The following RGS6 variants were observed in gnomAD, a reference collection of about 807,000 sequenced individuals.
RGS6 encodes the protein regulator of G protein signaling 6.
A neutral mutation model predicts 78.5 loss-of-function variants in RGS6; 30 were observed. The observed-to-expected ratio is 0.38, with a 90% confidence interval of 0.29 to 0.52. The LOEUF is 0.52. Ranked by LOEUF, RGS6 falls within the 20% of genes least tolerant of loss-of-function variation. The pLI, the probability that RGS6 is intolerant of heterozygous loss-of-function variation, is 0.85. For missense variants in RGS6, 495 were observed against 609.7 expected (o/e 0.81, Z 1.98); for synonymous variants, 206 against 206.0 (o/e 1.00, Z 0.00).
intron 17 of RGS6, among the ~76,000 whole-genome samples, chr14:72,557,233 G>GAAGTGT (rs1555474214): frequency 6.6e-6 from 1 of 152,182 alleles, no homozygotes; most frequent in Non-Finnish European, 1.5e-5. Flanking sequence ...AATTTAAAAA[G>GAAGTGT]TGTTTTGAAA....
intron 2 of RGS6, among the ~76,000 whole-genome samples, chr14:72,127,634 ATTGTAGTTATTT>A (rs2096230115): frequency 1.3e-5 from 2 of 152,188 alleles, no homozygotes; most frequent in Admixed American, 1.3e-4. Flanking sequence ...TTTTGAGGCA[ATTGTAGTTATTT>A]CTTGCAGTTG....
Position 72,470,047 on chromosome 14 carries a change from G to A in RGS6, c.500G>A (p.Trp167Ter). ...ARLQRAFARK[W>*]EFIFMQAEAQ... is the part of the protein sequence containing the mutation. Reference sequence around the variant, plus strand: ...CTCCAGAGGGCCTTTGCGAGGAAGTGGGAATTCATCTTTATGCAAGCAGAA... The same window carrying A: ...CTCCAGAGGGCCTTTGCGAGGAAGTAGGAATTCATCTTTATGCAAGCAGAA... The change falls in exon 8 of 18, where the codon TGG becomes TAG. Residue 167 changes from tryptophan (W) to a stop codon, truncating the protein, a stop_gained. Coordinates refer to ENST00000553525, the MANE Select transcript of RGS6 (RefSeq NM_001204424.2). LOFTEE classifies it high-confidence loss of function. 6.2e-7 allele frequency: 1 copy of A among 1,613,556 alleles called. No individual in the cohort carries two copies. Among genetic ancestry groups the A allele is most frequent in the Non-Finnish European group, 8.5e-7 (1 of 1,179,794 alleles).
chr14:72,202,895 C>T (rs1182730495), intron 2 of RGS6, among the ~76,000 whole-genome samples: 3 of 151,728 alleles, frequency 2.0e-5, no homozygotes, highest in South Asian at 2.1e-4. Context: ...TTTTTTGAGG[C>T]GGAGTCTCGC....
At chr14:72,407,689 A>ACAGATGAC (rs1336608873) in intron 3 of RGS6, among the ~76,000 whole-genome samples, 1 of 152,250 alleles carries the variant, frequency 6.6e-6, no homozygotes, top group African/African-American at 2.4e-5. Flanking sequence ...TGTGTGAAAC[A>ACAGATGAC]CAGATGACAG....
intron 2 of RGS6, among the ~76,000 whole-genome samples, chr14:72,206,941 GAGAA>G (rs2042861510): frequency 6.6e-6 from 1 of 152,130 alleles, no homozygotes; most frequent in African/African-American, 2.4e-5. Context: ...TCTTCCTCTT[GAGAA>G]AGAAATAGAA....
intron 3 of RGS6, among the ~76,000 whole-genome samples, chr14:72,451,271 A>C (rs528143435): frequency 1.3e-5 from 2 of 152,344 alleles, no homozygotes; most frequent in African/African-American, 4.8e-5. Flanking sequence ...TGAACCAGGG[A>C]AAAGAAACTC....
intron 12 of RGS6, among the ~76,000 whole-genome samples, chr14:72,490,926 A>G (rs1451151164): frequency 6.6e-6 from 1 of 152,214 alleles, no homozygotes. Flanking sequence ...TCCTATTAAA[A>G]AGCAGAATCT....
chr14:72,107,650 T>C lies in RGS6; in HGVS notation c.84+142775T>C, dbSNP rs1334516098. ...TTTCTATACCTATACATAGATGTTATATGTATTTAAATATATTTAAAGTTA... is the reference window on the plus strand; with the variant it reads ...TTTCTATACCTATACATAGATGTTACATGTATTTAAATATATTTAAAGTTA... On this transcript the variant is annotated intron_variant, in intron 2 of 17. Transcript: ENST00000553525. Among the ~76,000 whole-genome samples the C allele has an allele frequency of 2.0e-5, 3 of 152,198 alleles. No homozygotes were observed. In the East Asian group the frequency reaches 5.8e-4, roughly 29 times the overall value.
At position 72,164,509 on chromosome 14, in the gene RGS6, C is replaced by G. The variant is rs79326741; in HGVS notation, c.85-187586C>G. On this transcript the variant is annotated intron_variant, in intron 2 of 17. Coordinates refer to ENST00000553525, the MANE Select transcript of RGS6 (RefSeq NM_001204424.2). ...TGTTGGAGATCTTCTCTGTGTCAAA[C>G]ATCTTAAGGGAATCACCTCATGGAA... 2.9e-4 allele frequency among the ~76,000 whole-genome samples: 44 copies of G among 152,272 alleles called. 1 individual carries two copies. The East Asian group carries it at 8.5e-3, about 29-fold the overall frequency.
chr14:72,565,575 T>C lies in RGS6; in HGVS notation c.*3108T>C, dbSNP rs776453367. ...AGTCAGCTGGGCCTGCGCTCCAGGC[T>C]CACCACCGCTAAGTGGTCAGGTACC... On this transcript the variant is annotated 3_prime_UTR_variant, in exon 18 of 18. Transcript: ENST00000553525. The C allele has an allele frequency of 6.6e-6, 1 of 152,184 alleles. No homozygotes were observed. Among genetic ancestry groups the C allele is most frequent in the Non-Finnish European group, 1.5e-5 (1 of 68,046 alleles). The allele number at this position is 152,184 out of a possible 1,614,324, so 9.4% of individuals were successfully genotyped here.
chr14:72,531,390 C>T (rs1485341260), intron 15 of RGS6, among the ~76,000 whole-genome samples: 1 of 144,264 alleles, frequency 6.9e-6, no homozygotes, highest in Non-Finnish European at 1.5e-5. Flanking sequence ...ACTGAGGTCA[C>T]ACCACTGCAC....
intron 2 of RGS6, among the ~76,000 whole-genome samples, chr14:72,197,361 C>T (rs200477167): frequency 1.6e-4 from 24 of 152,176 alleles, no homozygotes; most frequent in Non-Finnish European, 2.8e-4. Flanking sequence ...CCACTGCACC[C>T]GGCCAAATGT....
At chr14:72,230,231 T>A (rs901695264) in intron 2 of RGS6, among the ~76,000 whole-genome samples, 4 of 152,218 alleles carry the variant, frequency 2.6e-5, no homozygotes, top group Admixed American at 6.5e-5. Context: ...GAGAGAGGAA[T>A]GTCACATGGC....
At chr14:72,394,415 T>C (rs970766097) in intron 3 of RGS6, among the ~76,000 whole-genome samples, 1 of 152,154 alleles carries the variant, frequency 6.6e-6, no homozygotes, top group South Asian at 2.1e-4. Flanking sequence ...TTAAAATTGC[T>C]AATGAAGTTT....
chr14:72,028,451 G>C (rs1381332975), intron 2 of RGS6, among the ~76,000 whole-genome samples: 1 of 152,206 alleles, frequency 6.6e-6, no homozygotes, highest in African/African-American at 2.4e-5. Context: ...TCTGAAAGGA[G>C]AATTTATTTA....
At chr14:72,175,003 T>A (rs2097086616) in intron 2 of RGS6, among the ~76,000 whole-genome samples, 1 of 152,124 alleles carries the variant, frequency 6.6e-6, no homozygotes, top group Admixed American at 6.5e-5. Context: ...CTGTTCTCCA[T>A]GGAATACATT....
At chr14:72,427,570 C>T (rs1371798043) in intron 3 of RGS6, among the ~76,000 whole-genome samples, 6 of 152,212 alleles carry the variant, frequency 3.9e-5, no homozygotes, top group Non-Finnish European at 8.8e-5. Flanking sequence ...GTTTGTTATA[C>T]TCATTTTCCC....
chr14:72,590,449 C>T, the RGS6 span, among the ~76,000 whole-genome samples: 1 of 152,080 alleles, frequency 6.6e-6, no homozygotes, highest in Non-Finnish European at 1.5e-5. Context: ...GGATGTTACT[C>T]GGCAATAACA....
rs187441973 is a variant in RGS6, at chr14:72,206,748, T to C, written c.85-145347T>C. ...AACAATGCAGGAAAGACCCATCCCA[T>C]AATTCAATCATCTCCCACTGGGTTC... On this transcript the variant is annotated intron_variant, in intron 2 of 17. Transcript: ENST00000553525. 3.3e-4 allele frequency among the ~76,000 whole-genome samples: 51 copies of C among 152,242 alleles called. 1 individual carries two copies. The highest frequency in any genetic ancestry group is 1.2e-3 in the African/African-American group (51 of 41,550).
Sources: gnomAD v4.1 joint callset for allele counts (sites outside exome capture counted in the v4.1 genomes callset) on GRCh38, gnomAD v4.1.1 for gene constraint, MANE v1.5 for transcripts, NCBI Gene and HGNC (gene_info 2026-07-23, HGNC 2026-07-21) for gene names.